The following BCAS3 variants were observed in gnomAD, a reference collection of about 807,000 sequenced individuals.
BCAS3 encodes BCAS3 microtubule associated cell migration factor.
BCAS3 carries 53 observed loss-of-function variants against 116.1 expected under a neutral mutation model. That is an observed-to-expected ratio of 0.46 (90% CI 0.37 to 0.57). BCAS3 has a LOEUF of 0.57. Among genes scored for constraint, BCAS3 ranks in the 20% least tolerant of loss-of-function variants. BCAS3 has a pLI of 0.00. For missense variants in BCAS3, 917 were observed against 1,165.4 expected, an observed-to-expected ratio of 0.79 and a Z score of 3.10; for synonymous variants, 391 against 408.2, an observed-to-expected ratio of 0.96 and a Z score of 0.51.
intron 13 of BCAS3, among the ~76,000 whole-genome samples, chr17:60,942,255 C>G (rs1398679196): frequency 6.6e-6 from 1 of 152,046 alleles, no homozygotes; most frequent in Non-Finnish European, 1.5e-5. Flanking sequence ...GTTGAAACCC[C>G]CTCTCTATCA....
At chr17:60,840,574 C>G (rs1216268540) in intron 7 of BCAS3, among the ~76,000 whole-genome samples, 5 of 152,248 alleles carry the variant, frequency 3.3e-5, no homozygotes, top group East Asian at 1.9e-4. Context: ...TTTTTGACCT[C>G]TTCATGTTTT....
intron 12 of BCAS3, among the ~76,000 whole-genome samples, chr17:60,922,545 TA>T (rs1171386342): frequency 2.6e-5 from 4 of 152,186 alleles, no homozygotes; most frequent in Non-Finnish European, 5.9e-5. Context: ...ATTTCTCTAT[TA>T]AAAAATAATT....
chr17:60,978,574 G>T (rs2062579384), intron 14 of BCAS3, among the ~76,000 whole-genome samples: 1 of 151,426 alleles, frequency 6.6e-6, no homozygotes, highest in South Asian at 2.1e-4. Flanking sequence ...TGAAGTCCTT[G>T]CCCATGCCTA....
intron 22 of BCAS3, among the ~76,000 whole-genome samples, chr17:61,252,880 CAT>C: frequency 1.3e-5 from 1 of 79,616 alleles, no homozygotes; most frequent in African/African-American, 4.0e-5. Flanking sequence ...TGTTCCTATA[CAT>C]TTTTTTTTTT....
At chr17:61,335,877 A>T (rs548474679) in intron 22 of BCAS3, among the ~76,000 whole-genome samples, 9 of 152,382 alleles carry the variant, frequency 5.9e-5, no homozygotes, top group Non-Finnish European at 1.3e-4. Context: ...CCAGAGTCTG[A>T]GCTGGAGAGT....
intron 22 of BCAS3, among the ~76,000 whole-genome samples, chr17:61,085,750 C>T (rs1450063033): frequency 1.3e-5 from 2 of 152,126 alleles, no homozygotes; most frequent in East Asian, 1.9e-4. Flanking sequence ...CATTGCTTCC[C>T]GGCACTGAAT....
At chr17:60,837,822 T>A in intron 7 of BCAS3, among the ~76,000 whole-genome samples, 1 of 151,970 alleles carries the variant, frequency 6.6e-6, no homozygotes, top group Non-Finnish European at 1.5e-5. Context: ...TGGCTAATGT[T>A]TGTATTTTTA....
Position 61,249,716 on chromosome 17 carries a change from AG to A in BCAS3, c.2426-118609del, listed in dbSNP as rs1360338386. Reference sequence around the variant, plus strand: ...GAAATACTTGTGAAATCATGGTCACAGGAGTTATTTCCAAGGATGTTTAAGT... The same window carrying A: ...GAAATACTTGTGAAATCATGGTCACAGAGTTATTTCCAAGGATGTTTAAGT... On this transcript the variant is annotated intron_variant, in intron 22 of 23. Coordinates refer to ENST00000407086, the MANE Select transcript of BCAS3 (RefSeq NM_017679.5). The surrounding 1 kb of genome is among the most constrained non-coding windows in gnomAD (Gnocchi z 6.2). Among the ~76,000 whole-genome samples, 1 of 151,904 alleles carries A rather than the reference AG, an allele frequency of 6.6e-6. No individual in the cohort carries two copies. Among genetic ancestry groups the A allele is most frequent in the Admixed American group, 6.5e-5 (1 of 15,276 alleles).
intron 5 of BCAS3, chr17:60,727,223 C>A: frequency 1.1e-6 from 1 of 939,660 alleles, no homozygotes. Flanking sequence ...AAAATGCTTA[C>A]ATCTCTGAAT....
chr17:61,043,060 A>C (rs1439197476), intron 19 of BCAS3, among the ~76,000 whole-genome samples: 1 of 151,292 alleles, frequency 6.6e-6, no homozygotes, highest in Non-Finnish European at 1.5e-5. Flanking sequence ...GATGTTTAAT[A>C]GTTGGCATAG....
rs1555831750 is a variant in BCAS3, at chr17:61,329,343, A to ATTATTTTTTTTT, written c.2426-38982_2426-38981insATTTTTTTTTTT. On this transcript the variant is annotated intron_variant, in intron 22 of 23. Transcript: ENST00000407086. Reference sequence around the variant, plus strand: ...AGGCCATGTTATTATTATTATTATTATTTTTTTTTTTTTTTGAGACGGAGT... The same window carrying ATTATTTTTTTTT: ...AGGCCATGTTATTATTATTATTATTATTATTTTTTTTTTTTTTTTTTTTTTTTGAGACGGAGT... 1.5e-3 allele frequency among the ~76,000 whole-genome samples: 202 copies of ATTATTTTTTTTT among 131,248 alleles called. 1 individual carries two copies. The highest frequency in any genetic ancestry group is 5.6e-3 in the African/African-American group (190 of 33,990). 86.1% of individuals were successfully genotyped at this position (131,248 alleles called of 152,430 possible).
rs2070996497 is a variant in BCAS3, at chr17:61,068,724, C to A, written c.2030-6196C>A. 6.6e-6 allele frequency among the ~76,000 whole-genome samples: 1 copy of A among 152,186 alleles called. No homozygotes were observed. ...AACTTCTTCTGGGATTCTGTCGTTT[C>A]CCACTCCTCTTTGTGACCCTCTTTT... is the stretch of plus-strand genomic sequence containing the variant. On this transcript the variant is annotated intron_variant, in intron 19 of 23. Coordinates refer to ENST00000407086, the MANE Select transcript of BCAS3 (RefSeq NM_017679.5). This position sits in a 1 kb window ranked among gnomAD's most constrained non-coding sequence, Gnocchi z 4.3.
At position 61,215,873 on chromosome 17, in the gene BCAS3, C is replaced by G. The variant is rs1481035885; in HGVS notation, c.2425+131309C>G. On this transcript the variant is annotated intron_variant, in intron 22 of 23. Transcript: ENST00000407086. The surrounding 1 kb of genome is among the most constrained non-coding windows in gnomAD (Gnocchi z 4.8). ...TATTTTTCAGACTCCCTGAGTAATTCTAGTGTACAGCCAGATTTGAAAACC... is the reference window on the plus strand; with the variant it reads ...TATTTTTCAGACTCCCTGAGTAATTGTAGTGTACAGCCAGATTTGAAAACC... Among the ~76,000 whole-genome samples, 1 of 152,128 alleles carries G rather than the reference C, an allele frequency of 6.6e-6. No homozygotes were observed. The highest frequency in any genetic ancestry group is 2.4e-5 in the African/African-American group (1 of 41,410).
rs149161844 is a variant in BCAS3, at chr17:61,344,246, A to C, written c.2426-24081A>C. Among the ~76,000 whole-genome samples, 4 of 148,038 alleles carry C rather than the reference A, an allele frequency of 2.7e-5. No homozygotes were observed. The East Asian group carries it at 7.8e-4, about 29-fold the overall frequency. ...CTGCCAAAATCATCCTTTGACATTAAAAAAAAAAAATCCCCTTGCTTTTAA... is the reference window on the plus strand; with the variant it reads ...CTGCCAAAATCATCCTTTGACATTACAAAAAAAAAATCCCCTTGCTTTTAA... On this transcript the variant is annotated intron_variant, in intron 22 of 23. Transcript: ENST00000407086. This position sits in a 1 kb window ranked among gnomAD's most constrained non-coding sequence, Gnocchi z 4.1.
intron 22 of BCAS3, among the ~76,000 whole-genome samples, chr17:61,253,982 C>T (rs1433486689): frequency 1.3e-5 from 2 of 151,972 alleles, no homozygotes; most frequent in Non-Finnish European, 1.5e-5. Flanking sequence ...AAGAAAGAGC[C>T]TTAGGATAAT....
intron 8 of BCAS3, among the ~76,000 whole-genome samples, chr17:60,873,991 A>G (rs1469602526): frequency 1.3e-5 from 2 of 151,896 alleles, no homozygotes; most frequent in African/African-American, 2.4e-5. Flanking sequence ...GGTGTGCAAC[A>G]CTGTGCTGGG....
intron 6 of BCAS3, among the ~76,000 whole-genome samples, chr17:60,762,688 T>A (rs1349353408): frequency 1.3e-5 from 2 of 152,162 alleles, no homozygotes; most frequent in Non-Finnish European, 2.9e-5. Flanking sequence ...GCGGGCTCTT[T>A]TTTGATTCCA....
rs555903784 is a variant in BCAS3 at position 61,327,533 on chromosome 17, C to A, written c.2426-40794C>A. ...AAATTTTTTTTTTTTTAGACAGAGT[C>A]TCACTCTGTCACCCAGGCTGGAGAG... On this transcript the variant is annotated intron_variant, in intron 22 of 23. Transcript: ENST00000407086. The surrounding 1 kb of genome is among the most constrained non-coding windows in gnomAD (Gnocchi z 5.9). 5.0e-4 allele frequency among the ~76,000 whole-genome samples: 76 copies of A among 151,664 alleles called. No homozygotes were observed. The highest frequency in any genetic ancestry group is 9.1e-4 in the Non-Finnish European group (62 of 67,908).
At chr17:60,958,369 T>G (rs2061249468) in intron 14 of BCAS3, among the ~76,000 whole-genome samples, 1 of 152,224 alleles carries the variant, frequency 6.6e-6, no homozygotes, top group Non-Finnish European at 1.5e-5. Flanking sequence ...TTTAAAAAAC[T>G]AATAAATGAT....
Sources: allele counts gnomAD v4.1 joint callset (sites outside exome capture counted in the v4.1 genomes callset), GRCh38; gene constraint gnomAD v4.1.1; non-coding constraint Gnocchi (gnomAD v3.1); transcripts MANE v1.5; gene names NCBI Gene and HGNC (gene_info 2026-07-23, HGNC 2026-07-21).